Variants in RARS2 observed in about 807,000 individuals in gnomAD.
The protein encoded by RARS2 is probable arginine--tRNA ligase, mitochondrial.
A neutral mutation model predicts 88.5 loss-of-function variants in RARS2; 67 were observed. The ratio of observed to expected loss-of-function variants is 0.76; its 90% CI spans 0.62 to 0.93. The LOEUF is 0.93. RARS2 is among the 40% of genes least tolerant of loss of function. The pLI is 0.00. For synonymous variants in RARS2, 239 were observed against 230.3 expected (o/e 1.04, Z -0.34); for missense variants, 664 against 684.2 (o/e 0.97, Z 0.33).
intron 11 of RARS2, among the ~76,000 whole-genome samples, chr6:87,523,291 G>GA (rs1370678425): frequency 6.6e-6 from 1 of 152,152 alleles, no homozygotes; most frequent in African/African-American, 2.4e-5. Flanking sequence ...ACAAAGTAGA[G>GA]AATCATGGCC....
At position 87,514,311 on chromosome 6, in the gene RARS2, C is replaced by CAAAA; in HGVS notation, c.*98_*101dup. ...GGGCAACAAGAGCGAAACTCCATCT[C>CAAAA]AAAAAAAAAAAAAAAAAATTTAAAT... On this transcript the variant is annotated 3_prime_UTR_variant, in exon 20 of 20. Coordinates refer to ENST00000369536, the MANE Select transcript of RARS2 (RefSeq NM_020320.5). The CAAAA allele has an allele frequency of 3.5e-5, 20 of 573,932 alleles. No individual in the cohort carries two copies. The highest frequency in any genetic ancestry group is 8.4e-5 in the East Asian group (2 of 23,844). 35.6% of individuals were successfully genotyped at this position (573,932 alleles called of 1,614,324 possible).
chr6:87,532,515 G>A (rs1441968220), intron 8 of RARS2, among the ~76,000 whole-genome samples: 1 of 152,190 alleles, frequency 6.6e-6, no homozygotes, highest in Non-Finnish European at 1.5e-5. Context: ...ATGAACTTTT[G>A]CCAGTGGACA....
At chr6:87,550,808 G>GA (rs34971117) in intron 5 of RARS2, among the ~76,000 whole-genome samples, 9,048 of 124,384 alleles carry the variant, frequency 0.073, 327 homozygotes, top group African/African-American at 0.12. Flanking sequence ...CATTATTTAA[G>GA]AAAAAAAAAA....
intron 1 of RARS2, among the ~76,000 whole-genome samples, chr6:87,576,165 TAC>T (rs1363351168): frequency 2.5e-5 from 3 of 120,566 alleles, no homozygotes; most frequent in African/African-American, 9.2e-5. Flanking sequence ...CAAAGATAAT[TAC>T]ACTTTGATAT....
rs756206300 is a variant in RARS2, at chr6:87,518,807, T to C, written c.1305+17A>G. 3.7e-6 allele frequency: 6 copies of C among 1,613,490 alleles called. No individual in the cohort carries two copies. Among genetic ancestry groups the C allele is most frequent in the Non-Finnish European group, 5.1e-6 (6 of 1,179,442 alleles). On this transcript the variant is annotated intron_variant, in intron 15 of 19. Coordinates refer to ENST00000369536, the MANE Select transcript of RARS2 (RefSeq NM_020320.5). ...GTACCAAACAAAAGGGCCTCACAGG[T>C]AGGAGTCTTAACAGACCTGAATAAT... is the stretch of plus-strand genomic sequence containing the variant.
At chr6:87,586,313 C>A (rs1018058399) in intron 1 of RARS2, among the ~76,000 whole-genome samples, 2 of 152,168 alleles carry the variant, frequency 1.3e-5, no homozygotes, top group African/African-American at 4.8e-5. Flanking sequence ...TATTGTGATT[C>A]TATGTACATA....
At chr6:87,534,692 G>A (rs1778597678) in intron 8 of RARS2, among the ~76,000 whole-genome samples, 1 of 152,154 alleles carries the variant, frequency 6.6e-6, no homozygotes, top group African/African-American at 2.4e-5. Context: ...AGGGAGCAAT[G>A]GCCAAGTGGA....
rs35014020 is a variant in RARS2, at chr6:87,579,715, G to GTT, written c.37-10127_37-10126dup. Among the ~76,000 whole-genome samples the GTT allele has an allele frequency of 3.7e-3, 221 of 60,470 alleles. 48 individuals are homozygous for GTT. The highest frequency in any genetic ancestry group is 7.6e-3 in the East Asian group (14 of 1,840). 39.7% of individuals were successfully genotyped at this position (60,470 alleles called of 152,430 possible). ...TTGAGAGCCACCGAGCATAGAGCAT[G>GTT]TTTTTTTTTTTTTTTTTTTTTTTTT... On this transcript the variant is annotated intron_variant, in intron 1 of 19. Transcript: ENST00000369536.
At position 87,521,454 on chromosome 6, in the gene RARS2, GATTA is replaced by G. The variant is rs774597623; in HGVS notation, c.1035+6_1035+9del. The G allele has an allele frequency of 6.3e-7, 1 of 1,582,986 alleles. No homozygotes were observed. The highest frequency in any genetic ancestry group is 8.7e-7 in the Non-Finnish European group (1 of 1,152,644). ...TTAAGAGATCATAACTTTTTGTTCT[GATTA>G]CTTACCACATATATCATTGTATCAA... is the stretch of plus-strand genomic sequence containing the variant. On this transcript the variant is annotated splice_donor_region_variant and intron_variant, in intron 12 of 19. Transcript: ENST00000369536.
chr6:87,571,719 A>G (rs1455784493), intron 1 of RARS2, among the ~76,000 whole-genome samples: 2 of 152,224 alleles, frequency 1.3e-5, no homozygotes, highest in African/African-American at 4.8e-5. Flanking sequence ...TCTCTTGATT[A>G]ATAACAACAT....
At chr6:87,527,456 G>C (rs1038215736) in intron 10 of RARS2, among the ~76,000 whole-genome samples, 2 of 152,138 alleles carry the variant, frequency 1.3e-5, no homozygotes, top group Non-Finnish European at 2.9e-5. Context: ...TAAGACCTGA[G>C]CTGTAAAACT....
intron 2 of RARS2, among the ~76,000 whole-genome samples, chr6:87,565,991 C>T (rs1767749913): frequency 6.6e-6 from 1 of 152,184 alleles, no homozygotes; most frequent in Non-Finnish European, 1.5e-5. Context: ...TCTCCTGAGC[C>T]TTAATACATC....
At position 87,518,185 on chromosome 6, in the gene RARS2, G is replaced by A; in HGVS notation, c.1495C>T (p.Leu499Phe). The A allele has an allele frequency of 1.9e-6, 3 of 1,614,170 alleles. No individual in the cohort carries two copies. Among genetic ancestry groups the A allele is most frequent in the Non-Finnish European group, 2.5e-6 (3 of 1,180,018 alleles). The change falls in exon 17 of 20, where the codon CTT becomes TTT. Residue 499 changes from leucine to phenylalanine, a missense_variant. Physicochemically the swap from Leu to Phe is conservative, Grantham distance 22. Transcript: ENST00000369536. ...ACATCATACCTGAGAAGATGCTGAA[G>A]AATTGAAACAGACTGTGGCTCTTGT... is the stretch of plus-strand genomic sequence containing the variant. ...CLQEPQSVSILQHLLRFDEVL... is the reference protein window; with the variant it reads ...CLQEPQSVSIFQHLLRFDEVL...
chr6:87,519,692 G>C lies in RARS2; in HGVS notation c.1128C>G (p.Pro376=), dbSNP rs1361220701. The C allele has an allele frequency of 6.2e-7, 1 of 1,613,986 alleles. No individual in the cohort carries two copies. Among genetic ancestry groups the C allele is most frequent in the Admixed American group, 1.7e-5 (1 of 60,024 alleles). ...TCTTCATTCCCTGTACTACTCCAAA[G>C]GGCACGTGCTGGCACCTAAAAGAGT... The part of the protein sequence containing the change: ...YDWAERCQHV[P]FGVVQGMKTR... Residue 376 remains proline, a synonymous_variant, in exon 14 of 20, where the codon CCC becomes CCG. Transcript: ENST00000369536.
chr6:87,572,674 C>G (rs1770149700), intron 1 of RARS2, among the ~76,000 whole-genome samples: 1 of 152,140 alleles, frequency 6.6e-6, no homozygotes, highest in Admixed American at 6.5e-5. Flanking sequence ...AAATGGTCCT[C>G]CCACCTCAGC....
chr6:87,557,596 A>G (rs9450738), intron 4 of RARS2, among the ~76,000 whole-genome samples: 92,534 of 152,068 alleles, frequency 0.61, 28,980 homozygotes, highest in African/African-American at 0.75. Context: ...GATCATTTAA[A>G]ATAAGGCTGA....
intron 4 of RARS2, 26 bp downstream of exon 4, chr6:87,562,676 A>G (rs765521821): frequency 6.5e-7 from 1 of 1,535,194 alleles, no homozygotes; most frequent in East Asian, 2.2e-5. Flanking sequence ...TGAAAGCACA[A>G]TGGCTGGATA....
rs199865382 is a variant in RARS2 at position 87,571,960 on chromosome 6, C to A, written c.37-2370G>T. Among the ~76,000 whole-genome samples the A allele has an allele frequency of 5.3e-5, 8 of 152,164 alleles. No individual in the cohort carries two copies. In the East Asian group the frequency reaches 1.3e-3, roughly 26 times the overall value. ...TGTATTCCTTACTAAAAAGTCATTT[C>A]TTTAGGATGTATTTACAGAAGTAGG... On this transcript the variant is annotated intron_variant, in intron 1 of 19. Transcript: ENST00000369536.
At chr6:87,544,178 G>A (rs1399505632) in intron 7 of RARS2, among the ~76,000 whole-genome samples, 4 of 152,092 alleles carry the variant, frequency 2.6e-5, no homozygotes, top group African/African-American at 9.7e-5. Flanking sequence ...TGTCTAAATC[G>A]GTCAAATTAA....
Sources: gnomAD v4.1 joint callset for allele counts (sites outside exome capture counted in the v4.1 genomes callset) on GRCh38, gnomAD v4.1.1 for gene constraint, MANE v1.5 for transcripts, NCBI Gene and HGNC (gene_info 2026-07-23, HGNC 2026-07-21) for gene names.